Variants in IGF2BP2 observed in about 807,000 individuals in gnomAD.
IGF2BP2 encodes the protein insulin like growth factor 2 mRNA binding protein 2.
IGF2BP2 carries 17 observed loss-of-function variants against 75.8 expected under a neutral mutation model. The observed-to-expected ratio is 0.22, with a 90% confidence interval of 0.15 to 0.34. The LOEUF (loss-of-function observed/expected upper bound fraction) is 0.34. Among genes scored for constraint, IGF2BP2 ranks in the 10% least tolerant of loss-of-function variants. The pLI is 1.00. For missense variants in IGF2BP2, 516 were observed against 772.4 expected (o/e 0.67, Z 3.93); for synonymous variants, 288 against 295.6 (o/e 0.97, Z 0.26).
intron 2 of IGF2BP2, among the ~76,000 whole-genome samples, chr3:185,791,590 C>T (rs1310693795): frequency 6.6e-6 from 1 of 152,214 alleles, no homozygotes; most frequent in Non-Finnish European, 1.5e-5. Flanking sequence ...AAGAGAGCCC[C>T]TTCCTCCAGG....
At chr3:185,767,718 C>G (rs183425188) in intron 2 of IGF2BP2, 1 of 154,020 alleles carries the variant, frequency 6.5e-6, no homozygotes, top group African/African-American at 2.4e-5. Context: ...ATGAGGAATA[C>G]AATTCTGGAA....
rs569250877 is a variant in IGF2BP2 at position 185,643,136 on chromosome 3, G to GT, written c.*2394dup. 6.2e-4 allele frequency among the ~76,000 whole-genome samples: 95 copies of GT among 152,268 alleles called. 2 individuals carry two copies. In the South Asian group the frequency reaches 0.019, roughly 31 times the overall value. On this transcript the variant is annotated 3_prime_UTR_variant, in exon 16 of 16. Coordinates refer to ENST00000382199, the MANE Select transcript of IGF2BP2 (RefSeq NM_006548.6). The stretch of plus-strand genomic sequence containing the variant: ...CACATGCAGTGAGACACTAAAACGT[G>GT]TATGACTCATTTTATTGCAAAGTTC...
intron 2 of IGF2BP2, among the ~76,000 whole-genome samples, chr3:185,782,163 T>C (rs1003727041): frequency 5.9e-5 from 9 of 152,158 alleles, no homozygotes; most frequent in African/African-American, 1.7e-4. Context: ...AGTGAAGAGA[T>C]GGCCCTAGTA....
intron 4 of IGF2BP2, chr3:185,696,282 C>A: frequency 3.8e-6 from 1 of 264,494 alleles, no homozygotes; most frequent in Non-Finnish European, 7.2e-6. Context: ...AGGAAAGTAG[C>A]AACCGTGTAA....
intron 2 of IGF2BP2, among the ~76,000 whole-genome samples, chr3:185,738,581 G>A (rs1263474640): frequency 1.3e-5 from 2 of 152,212 alleles, no homozygotes; most frequent in East Asian, 3.8e-4. Flanking sequence ...GGTCTTTGCA[G>A]CCACTACCAT....
At chr3:185,761,136 T>C (rs1203284242) in intron 2 of IGF2BP2, among the ~76,000 whole-genome samples, 1 of 152,160 alleles carries the variant, frequency 6.6e-6, no homozygotes, top group African/African-American at 2.4e-5. Context: ...GATGGACACC[T>C]AGGCTGATAT....
intron 2 of IGF2BP2, among the ~76,000 whole-genome samples, chr3:185,738,527 G>C (rs1379411967): frequency 1.3e-5 from 2 of 152,212 alleles, no homozygotes; most frequent in Non-Finnish European, 2.9e-5. Context: ...TAACCAGAGA[G>C]GGGAGAACGA....
Position 185,817,623 on chromosome 3 carries a change from T to C in IGF2BP2, c.239+5530A>G, listed in dbSNP as rs538670584. On this transcript the variant is annotated intron_variant, in intron 2 of 15. Transcript: ENST00000382199. ...AACCCATAGAGTCCATGCCACCAAA[T>C]GAAAATTATAAGTTTGTAAGCATGA... is the stretch of plus-strand genomic sequence containing the variant. Among the ~76,000 whole-genome samples, 8 of 152,236 alleles carry C rather than the reference T, an allele frequency of 5.3e-5. No individual in the cohort carries two copies. The South Asian group carries it at 1.5e-3, about 28-fold the overall frequency.
chr3:185,687,627 G>GCAAGCTTTA (rs1180349651), intron 6 of IGF2BP2, among the ~76,000 whole-genome samples: 3 of 152,212 alleles, frequency 2.0e-5, no homozygotes, highest in Admixed American at 6.5e-5. Context: ...CCAAATTCAA[G>GCAAGCTTTA]CAAGCTTTAT....
intron 9 of IGF2BP2, chr3:185,675,059 T>A: frequency 4.0e-6 from 1 of 249,984 alleles, no homozygotes; most frequent in Non-Finnish European, 7.4e-6. Context: ...ATAAACACTA[T>A]ATCATAAGCT....
chr3:185,702,505 T>C (rs1480287896), intron 2 of IGF2BP2, among the ~76,000 whole-genome samples: 1 of 152,154 alleles, frequency 6.6e-6, no homozygotes, highest in Non-Finnish European at 1.5e-5. Context: ...TTTAAAATAA[T>C]AATTTCACAG....
chr3:185,741,868 G>C (rs1578162225), intron 2 of IGF2BP2, among the ~76,000 whole-genome samples: 1 of 146,112 alleles, frequency 6.8e-6, no homozygotes, highest in African/African-American at 2.7e-5. Context: ...ACTGGAACTA[G>C]AATTTGCCTT....
At chr3:185,749,842 G>T (rs1265886603) in intron 2 of IGF2BP2, among the ~76,000 whole-genome samples, 1 of 152,098 alleles carries the variant, frequency 6.6e-6, no homozygotes, top group Non-Finnish European at 1.5e-5. Context: ...AATTAGGTTG[G>T]CCCAGAAAGA....
At chr3:185,811,830 G>GTGTCTCTCTC (rs1553897408) in intron 2 of IGF2BP2, among the ~76,000 whole-genome samples, 1 of 120,694 alleles carries the variant, frequency 8.3e-6, no homozygotes, top group Non-Finnish European at 1.8e-5. Context: ...AGAGTAGGGT[G>GTGTCTCTCTC]TCTCTCTCTC....
chr3:185,659,261 G>A (rs1459997860), intron 10 of IGF2BP2, among the ~76,000 whole-genome samples: 3 of 151,932 alleles, frequency 2.0e-5, no homozygotes, highest in African/African-American at 7.3e-5. Flanking sequence ...ACTGAGAGAG[G>A]AGAGAAAGAA....
intron 2 of IGF2BP2, among the ~76,000 whole-genome samples, chr3:185,805,216 T>G (rs1233538622): frequency 6.6e-6 from 1 of 152,064 alleles, no homozygotes; most frequent in Non-Finnish European, 1.5e-5. Flanking sequence ...GAAAATCCAG[T>G]AAACCAAAGG....
chr3:185,802,395 T>C (rs1467985710), intron 2 of IGF2BP2, among the ~76,000 whole-genome samples: 1 of 152,052 alleles, frequency 6.6e-6, no homozygotes, highest in East Asian at 1.9e-4. Context: ...TTGCCCAAGG[T>C]TTCTTTCTGC....
rs556775683 is a variant in IGF2BP2 at position 185,724,250 on chromosome 3, A to G, written c.240-25903T>C. The stretch of plus-strand genomic sequence containing the variant: ...GGCTCTTCTTGTCCACTGGAGCGAC[A>G]TGTGGTCTGAAGACTAAGGTAGCTT... On this transcript the variant is annotated intron_variant, in intron 2 of 15. Transcript: ENST00000382199. Among the ~76,000 whole-genome samples the G allele has an allele frequency of 9.8e-5, 15 of 152,324 alleles. No homozygotes were observed. The South Asian group carries it at 2.7e-3, about 27-fold the overall frequency.
intron 7 of IGF2BP2, among the ~76,000 whole-genome samples, chr3:185,676,357 T>A (rs1189042243): frequency 6.6e-6 from 1 of 152,072 alleles, no homozygotes; most frequent in Non-Finnish European, 1.5e-5. Context: ...GCTGAGAAGC[T>A]ATAATATGAA....
Sources: allele counts gnomAD v4.1 joint callset (sites outside exome capture counted in the v4.1 genomes callset), GRCh38; gene constraint gnomAD v4.1.1; transcripts MANE v1.5; gene names NCBI Gene and HGNC (gene_info 2026-07-23, HGNC 2026-07-21).